The following PTK7 variants were observed in gnomAD, a reference collection of about 807,000 sequenced individuals.
PTK7 encodes the protein inactive tyrosine-protein kinase 7.
PTK7 carries 39 observed loss-of-function variants against 116.6 expected under a neutral mutation model. The observed-to-expected ratio is 0.33, with a 90% CI of 0.26 to 0.44. The LOEUF (loss-of-function observed/expected upper bound fraction) is 0.44. Among genes scored for constraint, PTK7 ranks in the 20% least tolerant of loss-of-function variants. The pLI is 1.00. For missense variants in PTK7, 1,169 were observed against 1,425.6 expected (o/e 0.82, Z 2.90); for synonymous variants, 546 against 563.6 (o/e 0.97, Z 0.44).
chr6:43,120,103 C>T (rs960333270), intron 1 of PTK7, among the ~76,000 whole-genome samples: 4 of 152,140 alleles, frequency 2.6e-5, no homozygotes, highest in Non-Finnish European at 4.4e-5. Flanking sequence ...AAATTGGTTT[C>T]AAGGCTACCA....
At chr6:43,101,125 C>T (rs1226043505) in intron 1 of PTK7, among the ~76,000 whole-genome samples, 2 of 151,330 alleles carry the variant, frequency 1.3e-5, no homozygotes. Flanking sequence ...CCAGCTACTC[C>T]GGAAGCTTGA....
intron 1 of PTK7, among the ~76,000 whole-genome samples, chr6:43,103,389 A>T (rs1208798264): frequency 6.6e-6 from 1 of 152,158 alleles, no homozygotes; most frequent in Non-Finnish European, 1.5e-5. Context: ...TGAAGTGGAT[A>T]AATGTCTTAT....
intron 1 of PTK7, among the ~76,000 whole-genome samples, chr6:43,098,828 CATG>C (rs1246224427): frequency 6.6e-6 from 1 of 152,080 alleles, no homozygotes; most frequent in Non-Finnish European, 1.5e-5. Flanking sequence ...ATATATCAGT[CATG>C]ATGATAAATT....
At chr6:43,118,467 C>T (rs908632314) in intron 1 of PTK7, among the ~76,000 whole-genome samples, 19 of 151,030 alleles carry the variant, frequency 1.3e-4, no homozygotes, top group Admixed American at 4.0e-4. Flanking sequence ...ACTCAGGAGG[C>T]GGGGGTTGCA....
At chr6:43,131,030 CACACACACACACACACACACA>C (rs1769645709) in intron 5 of PTK7, among the ~76,000 whole-genome samples, 1 of 9,108 alleles carries the variant, frequency 1.1e-4, no homozygotes, top group African/African-American at 3.8e-4. Flanking sequence ...GCAAAGACAT[CACACACACACACACACACACA>C]CACACACACA....
chr6:43,146,790 C>T (rs1770755732), intron 17 of PTK7, 92 bp downstream of exon 17: 1 of 1,114,660 alleles, frequency 9.0e-7, no homozygotes, highest in Non-Finnish European at 1.3e-6. Context: ...TCTCTATGGG[C>T]CAGGCCCTAT....
Position 43,139,354 on chromosome 6 carries a change from C to T in PTK7, c.1499-52C>T. On this transcript the variant is annotated intron_variant, in intron 9 of 19. Transcript: ENST00000230419. The surrounding 1 kb of genome is among the most constrained non-coding windows in gnomAD (Gnocchi z 4.6). ...AGGGAGCAGCAGGCCTGGCCACGGC[C>T]TCTCCAGCGGCCCCAATTCCTCGTC... is the stretch of plus-strand genomic sequence containing the variant. 1.2e-6 allele frequency: 2 copies of T among 1,613,976 alleles called. No homozygotes were observed. Among genetic ancestry groups the T allele is most frequent in the Non-Finnish European group, 1.7e-6 (2 of 1,179,840 alleles).
intron 1 of PTK7, among the ~76,000 whole-genome samples, chr6:43,100,116 TC>T (rs1767483366): frequency 6.6e-6 from 1 of 152,076 alleles, no homozygotes; most frequent in African/African-American, 2.4e-5. Context: ...GGGCATAGTG[TC>T]TCAGGCCTGT....
intron 17 of PTK7, among the ~76,000 whole-genome samples, chr6:43,154,126 G>A (rs953832137): frequency 1.3e-5 from 2 of 152,112 alleles, no homozygotes; most frequent in African/African-American, 4.8e-5. Flanking sequence ...TAGCGCCACT[G>A]CACTCCAGCC....
In PTK7 at chr6:43,129,159, G is replaced by A. The variant is rs1298029442; in HGVS notation, c.262G>A (p.Ala88Thr). The change falls in exon 2 of 20, where the codon GCA becomes ACA. Residue 88 changes from alanine to threonine, a missense_variant. By Grantham distance (58) the Ala-to-Thr change is moderately conservative (BLOSUM62 0). This residue lies in a region of PTK7 where 487 missense variants were observed against 549.8 expected (regional missense o/e 0.89). Transcript: ENST00000230419. This position sits in a 1 kb window ranked among gnomAD's most constrained non-coding sequence, Gnocchi z 4.5. ...RFAQGSSLSFAAVDRLQDSGT... is the reference protein window; with the variant it reads ...RFAQGSSLSFTAVDRLQDSGT... Reference sequence around the variant, plus strand: ...CGCCCAGGGCAGCAGCCTGAGCTTTGCAGCTGTGGACCGGCTGCAGGACTC... The same window carrying A: ...CGCCCAGGGCAGCAGCCTGAGCTTTACAGCTGTGGACCGGCTGCAGGACTC... 6.2e-7 allele frequency: 1 copy of A among 1,614,114 alleles called. No individual in the cohort carries two copies. The highest frequency in any genetic ancestry group is 8.5e-7 in the Non-Finnish European group (1 of 1,180,062).
At chr6:43,160,118 A>G in intron 19 of PTK7, 152 bp downstream of exon 19, 1 of 819,914 alleles carries the variant, frequency 1.2e-6, no homozygotes, top group South Asian at 1.8e-5. Flanking sequence ...ATACTGCAAT[A>G]CTTTGTTTTT....
Position 43,139,118 on chromosome 6 carries a change from C to G in PTK7, c.1363-18C>G. 6.2e-7 allele frequency: 1 copy of G among 1,613,954 alleles called. No homozygotes were observed. Among genetic ancestry groups the G allele is most frequent in the Non-Finnish European group, 8.5e-7 (1 of 1,179,918 alleles). On this transcript the variant is annotated intron_variant, in intron 8 of 19. Transcript: ENST00000230419. This position sits in a 1 kb window ranked among gnomAD's most constrained non-coding sequence, Gnocchi z 4.6. ...TGGGTGTGGGTTCAGGCTCTGAGGC[C>G]TCTCACCTGTGCTGCAGGACTCACG... is the stretch of plus-strand genomic sequence containing the variant.
chr6:43,123,315 G>A (rs1769072930), intron 1 of PTK7, among the ~76,000 whole-genome samples: 1 of 152,176 alleles, frequency 6.6e-6, no homozygotes, highest in South Asian at 2.1e-4. Flanking sequence ...AGTGATGTGT[G>A]GCAGATTCTG....
At position 43,129,746 on chromosome 6, in the gene PTK7, G is replaced by A. The variant is rs754288914; in HGVS notation, c.387G>A (p.Val129=). ...FNIKWIEAGP[V]VLKHPASEAE... is the part of the protein sequence containing the mutation. ...CTACAGGGATTGAGGCAGGTCCTGT[G>A]GTCCTGAAGCATCCAGCCTCGGAAG... Residue 129 remains valine, a synonymous_variant, in exon 3 of 20, where the codon GTG becomes GTA. Transcript: ENST00000230419. The surrounding 1 kb of genome is among the most constrained non-coding windows in gnomAD (Gnocchi z 4.5). 1 of 1,614,148 alleles carries A rather than the reference G, an allele frequency of 6.2e-7. No homozygotes were observed. The highest frequency in any genetic ancestry group is 8.5e-7 in the Non-Finnish European group (1 of 1,180,024).
At position 43,139,655 on chromosome 6, in the gene PTK7, G is replaced by A; in HGVS notation, c.1618+130G>A. ...ATTAGACAAGCAGTGCAGGGCTGAT[G>A]TATAGTTTAGTTAGGAAGGAAAAAG... On this transcript the variant is annotated intron_variant, in intron 10 of 19. Coordinates refer to ENST00000230419, the MANE Select transcript of PTK7 (RefSeq NM_002821.5). This position sits in a 1 kb window ranked among gnomAD's most constrained non-coding sequence, Gnocchi z 4.6. 1.4e-6 allele frequency: 2 copies of A among 1,397,776 alleles called. No individual in the cohort carries two copies. The highest frequency in any genetic ancestry group is 1.9e-6 in the Non-Finnish European group (2 of 1,040,964). The allele number at this position is 1,397,776 out of a possible 1,614,324, so 86.6% of individuals were successfully genotyped here. A position where few individuals can be genotyped will look rare whatever the true frequency, so the allele number is the denominator to read the frequency against.
At position 43,142,220 on chromosome 6, in the gene PTK7, T is replaced by C. The variant is rs770945328; in HGVS notation, c.1968T>C (p.Pro656=). Residue 656 remains proline, a synonymous_variant, in exon 13 of 20, where the codon CCT becomes CCC. Transcript: ENST00000230419. The part of the protein sequence containing the change: ...NGSLVIHDVA[P]EDSGRYTCIA... ...CCCTGGTGATCCATGACGTGGCCCCTGAGGACTCAGGCCGCTACACCTGCA... is the reference window on the plus strand; with the variant it reads ...CCCTGGTGATCCATGACGTGGCCCCCGAGGACTCAGGCCGCTACACCTGCA... 1.2e-6 allele frequency: 2 copies of C among 1,614,074 alleles called. No individual in the cohort carries two copies. Among genetic ancestry groups the C allele is most frequent in the East Asian group, 2.2e-5 (1 of 44,864 alleles).
chr6:43,085,740 C>A (rs545908756), intron 1 of PTK7, among the ~76,000 whole-genome samples: 1 of 151,680 alleles, frequency 6.6e-6, no homozygotes, highest in South Asian at 2.1e-4. Flanking sequence ...TCGAGACCAG[C>A]CTGACCAAAA....
intron 14 of PTK7, 21 bp from the exon 15 acceptor site, chr6:43,144,430 T>C (rs762948621): frequency 1.2e-5 from 19 of 1,613,882 alleles, no homozygotes; most frequent in Non-Finnish European, 1.5e-5. Flanking sequence ...ATCGTGACGC[T>C]CTTGTCCTCC....
At chr6:43,132,765 G>C in intron 7 of PTK7, 78 bp downstream of exon 7, 1 of 1,539,208 alleles carries the variant, frequency 6.5e-7, no homozygotes, top group South Asian at 1.2e-5. Context: ...AGGCTTCCCT[G>C]GTACTCACCT....
Sources: gnomAD v4.1 joint callset for allele counts (sites outside exome capture counted in the v4.1 genomes callset) on GRCh38, gnomAD v4.1.1 for gene constraint, gnomAD v4.1.1 regional missense constraint, Gnocchi (gnomAD v3.1) non-coding constraint, MANE v1.5 for transcripts, NCBI Gene and HGNC (gene_info 2026-07-23, HGNC 2026-07-21) for gene names.